CHRNA7: variants seen among roughly 807,000 people sequenced by gnomAD.
CHRNA7 encodes the protein cholinergic receptor nicotinic alpha 7 subunit.
A neutral mutation model predicts 48.0 loss-of-function variants in CHRNA7; 17 were observed. The observed-to-expected ratio is 0.35, with a 90% CI of 0.24 to 0.53. The LOEUF (loss-of-function observed/expected upper bound fraction) is 0.53. Among genes scored for constraint, CHRNA7 ranks in the 20% least tolerant of loss-of-function variants. The pLI, the probability that CHRNA7 is intolerant of heterozygous loss-of-function variation, is 0.92. For missense variants in CHRNA7, 155 were observed against 577.7 expected (o/e 0.27, Z 7.50); for synonymous variants, 75 against 242.3 (o/e 0.31, Z 6.41).
chr15:32,052,846 T>A (rs2049716070), intron 2 of CHRNA7, among the ~76,000 whole-genome samples: 1 of 152,228 alleles, frequency 6.6e-6, no homozygotes, highest in Non-Finnish European at 1.5e-5. Context: ...CAATAATTTA[T>A]TGTACATTTC....
At position 32,157,423 on chromosome 15, in the gene CHRNA7, A is replaced by G. The variant is rs1310545246; in HGVS notation, c.431-185A>G. The G allele has an allele frequency of 9.9e-5, 42 of 425,082 alleles. 9 individuals are homozygous for G. The highest frequency in any genetic ancestry group is 6.5e-4 in the Middle Eastern group (1 of 1,548). The allele number at this position is 425,082 out of a possible 1,614,324, so 26.3% of individuals were successfully genotyped here. On this transcript the variant is annotated intron_variant, in intron 5 of 9. Transcript: ENST00000306901. ...CAGTGTTACGTTTGGATTTTAAAAG[A>G]CAGTGAAGCTTAGCTGAGATTCTGT...
intron 2 of CHRNA7, among the ~76,000 whole-genome samples, chr15:32,067,247 G>GA (rs1471157790): frequency 6.6e-6 from 1 of 152,184 alleles, no homozygotes; most frequent in African/African-American, 2.4e-5. Flanking sequence ...ACTGTTGAAA[G>GA]ACAAAGAGGG....
chr15:32,082,726 C>T (rs1053574414), intron 2 of CHRNA7, among the ~76,000 whole-genome samples: 1 of 152,074 alleles, frequency 6.6e-6, no homozygotes, highest in African/African-American at 2.4e-5. Context: ...TATTGCTGGG[C>T]AGTTAACTTT....
chr15:32,111,982 A>G (rs2050769627), intron 4 of CHRNA7, 83 bp downstream of exon 4: 4 of 889,090 alleles, frequency 4.5e-6, no homozygotes, highest in Non-Finnish European at 7.6e-6. Context: ...TTTCACAGAG[A>G]TGCTGGATAT....
chr15:32,095,079 C>A (rs1462811473), intron 2 of CHRNA7, among the ~76,000 whole-genome samples: 1 of 152,214 alleles, frequency 6.6e-6, no homozygotes, highest in African/African-American at 2.4e-5. Context: ...ATGGGACTAC[C>A]CCTAGCCCAC....
At chr15:32,092,482 A>G (rs1348405976) in intron 2 of CHRNA7, among the ~76,000 whole-genome samples, 2 of 152,042 alleles carry the variant, frequency 1.3e-5, no homozygotes, top group Admixed American at 1.3e-4. Context: ...ATTTTTATTT[A>G]TGTATATATT....
intron 2 of CHRNA7, among the ~76,000 whole-genome samples, chr15:32,055,085 G>T (rs1180476198): frequency 6.6e-6 from 1 of 152,126 alleles, no homozygotes; most frequent in East Asian, 1.9e-4. Flanking sequence ...CATTCTAGTG[G>T]GTGTGGAGTG....
At chr15:32,123,862 C>T (rs2141302828) in intron 4 of CHRNA7, among the ~76,000 whole-genome samples, 1 of 150,966 alleles carries the variant, frequency 6.6e-6, no homozygotes, top group East Asian at 2.0e-4. Flanking sequence ...TTTTCTCTTG[C>T]TCATCTGTCT....
At position 32,059,099 on chromosome 15, in the gene CHRNA7, G is replaced by T. The variant is rs552217846; in HGVS notation, c.195+28062G>T. On this transcript the variant is annotated intron_variant, in intron 2 of 9. Coordinates refer to ENST00000306901, the MANE Select transcript of CHRNA7 (RefSeq NM_000746.6). ...GCTCACTGCAACCTCCGCCTCCTGG[G>T]TTCAAGCAATTCTCATGCCTCAGTC... 2.4e-3 allele frequency among the ~76,000 whole-genome samples: 361 copies of T among 152,044 alleles called. 1 individual carries two copies. The highest frequency in any genetic ancestry group is 8.4e-3 in the African/African-American group (350 of 41,458).
chr15:32,139,496 C>G (rs1279207279), intron 4 of CHRNA7, among the ~76,000 whole-genome samples: 2 of 152,138 alleles, frequency 1.3e-5, no homozygotes, highest in African/African-American at 4.8e-5. Context: ...TATGAGAGTT[C>G]CTGTTGCTCT....
At chr15:32,118,545 C>T (rs1377274025) in intron 4 of CHRNA7, among the ~76,000 whole-genome samples, 1 of 152,136 alleles carries the variant, frequency 6.6e-6, no homozygotes, top group Non-Finnish European at 1.5e-5. Flanking sequence ...TGAGTGGAGC[C>T]AGCCAACCTA....
intron 2 of CHRNA7, among the ~76,000 whole-genome samples, chr15:32,066,994 GAA>G (rs138350855): frequency 6.6e-6 from 1 of 151,610 alleles, no homozygotes; most frequent in African/African-American, 2.4e-5. Flanking sequence ...GAATAACTGA[GAA>G]AAAAAATGGG....
intron 3 of CHRNA7, among the ~76,000 whole-genome samples, chr15:32,107,058 T>TG (rs1308455686): frequency 9.2e-5 from 14 of 152,090 alleles, no homozygotes; most frequent in South Asian, 6.3e-4. Flanking sequence ...GTCAGTGGGG[T>TG]GGAAAGGCTG....
At chr15:32,118,169 C>T (rs1470018423) in intron 4 of CHRNA7, among the ~76,000 whole-genome samples, 1 of 152,126 alleles carries the variant, frequency 6.6e-6, no homozygotes, top group African/African-American at 2.4e-5. Context: ...CACCTTCAGG[C>T]CCCTCCCCAT....
chr15:32,119,750 G>A (rs2050934870), intron 4 of CHRNA7, among the ~76,000 whole-genome samples: 1 of 152,154 alleles, frequency 6.6e-6, no homozygotes. Context: ...CTCCCAGCCT[G>A]TGGCAGTGGG....
chr15:32,140,993 G>C (rs1481955020), intron 4 of CHRNA7, among the ~76,000 whole-genome samples: 3 of 152,092 alleles, frequency 2.0e-5, no homozygotes, highest in African/African-American at 7.2e-5. Flanking sequence ...TGAAGTCTTT[G>C]CCCATGCCTA....
intron 2 of CHRNA7, among the ~76,000 whole-genome samples, chr15:32,045,833 A>G (rs2049533398): frequency 1.2e-5 from 1 of 85,610 alleles, no homozygotes; most frequent in Non-Finnish European, 2.2e-5. Flanking sequence ...CCCACCCCAC[A>G]ACAGTCCCCA....
chr15:32,046,340 G>A (rs1157742127), intron 2 of CHRNA7, among the ~76,000 whole-genome samples: 5 of 144,562 alleles, frequency 3.5e-5, no homozygotes, highest in African/African-American at 1.4e-4. Flanking sequence ...GTTGTTTCCT[G>A]ACTTTTTAAT....
chr15:32,126,357 G>A (rs1364363782), intron 4 of CHRNA7, among the ~76,000 whole-genome samples: 1 of 152,132 alleles, frequency 6.6e-6, no homozygotes, highest in Non-Finnish European at 1.5e-5. Flanking sequence ...TTTGTAGTTT[G>A]CATTTATTTC....
Sources: gnomAD v4.1 joint callset for allele counts (sites outside exome capture counted in the v4.1 genomes callset) on GRCh38, gnomAD v4.1.1 for gene constraint, MANE v1.5 for transcripts, NCBI Gene and HGNC (gene_info 2026-07-23, HGNC 2026-07-21) for gene names.